RFX7: variants seen among roughly 807,000 people sequenced by gnomAD.
The protein encoded by RFX7 is DNA-binding protein RFX7.
Under a neutral mutation model 111.8 loss-of-function variants are expected in RFX7, and 26 were observed. The ratio of observed to expected loss-of-function variants is 0.23; its 90% CI spans 0.17 to 0.32. The LOEUF (loss-of-function observed/expected upper bound fraction) is 0.32. RFX7 is among the 10% of genes least tolerant of loss of function. The pLI, the probability that RFX7 is intolerant of heterozygous loss-of-function variation, is 1.00. For synonymous variants in RFX7, 624 were observed against 624.4 expected (o/e 1.00, Z 0.01); for missense variants, 1,573 against 1,772.9 (o/e 0.89, Z 2.02).
chr15:56,187,586 C>G (rs1214237376), intron 2 of RFX7, among the ~76,000 whole-genome samples: 1 of 152,058 alleles, frequency 6.6e-6, no homozygotes, highest in Non-Finnish European at 1.5e-5. Flanking sequence ...TTAAAAAGGA[C>G]AAAGTTTGGG....
chr15:56,195,676 A>C (rs1206881082), intron 2 of RFX7, among the ~76,000 whole-genome samples: 1 of 152,172 alleles, frequency 6.6e-6, no homozygotes, highest in African/African-American at 2.4e-5. Flanking sequence ...GGGTTTATCA[A>C]ATGCATTATA....
chr15:56,102,036 G>T, intron 7 of RFX7, 133 bp downstream of exon 7: 1 of 663,952 alleles, frequency 1.5e-6, no homozygotes, highest in Non-Finnish European at 2.5e-6. Context: ...TTCAGCCACT[G>T]TGTGATTTTT....
intron 3 of RFX7, among the ~76,000 whole-genome samples, chr15:56,161,838 G>T (rs79809801): frequency 0.067 from 10,249 of 152,004 alleles, 454 homozygotes; most frequent in Admixed American, 0.11. Flanking sequence ...TAGCCAAAGG[G>T]TACCAAAGCC....
At chr15:56,203,924 A>G (rs1194291028) in intron 2 of RFX7, among the ~76,000 whole-genome samples, 2 of 151,894 alleles carry the variant, frequency 1.3e-5, no homozygotes, top group African/African-American at 4.8e-5. Context: ...ACTTGCTTTC[A>G]CTTTACTCTA....
At chr15:56,125,962 G>A (rs2042139782) in intron 5 of RFX7, among the ~76,000 whole-genome samples, 1 of 152,102 alleles carries the variant, frequency 6.6e-6, no homozygotes, top group Non-Finnish European at 1.5e-5. Flanking sequence ...AATTTGGAAG[G>A]AGTCTGTTTC....
At chr15:56,178,203 ACACACAC>A (rs1308753106) in intron 3 of RFX7, among the ~76,000 whole-genome samples, 4 of 148,784 alleles carry the variant, frequency 2.7e-5, no homozygotes, top group Admixed American at 6.7e-5. Flanking sequence ...ACACACACAC[ACACACAC>A]AACAAAAAGA....
intron 2 of RFX7, among the ~76,000 whole-genome samples, chr15:56,181,377 C>T (rs2042971500): frequency 6.6e-6 from 1 of 152,216 alleles, no homozygotes; most frequent in Non-Finnish European, 1.5e-5. Flanking sequence ...CAGTCACTCG[C>T]TATAGCTCTC....
At chr15:56,166,897 C>T (rs1290772833) in intron 3 of RFX7, among the ~76,000 whole-genome samples, 1 of 152,140 alleles carries the variant, frequency 6.6e-6, no homozygotes, top group African/African-American at 2.4e-5. Flanking sequence ...AGCTACCATG[C>T]CTGGTTACGG....
At chr15:56,098,592 A>C (rs1418510924) in intron 8 of RFX7, among the ~76,000 whole-genome samples, 1 of 152,248 alleles carries the variant, frequency 6.6e-6, no homozygotes, top group Non-Finnish European at 1.5e-5. Context: ...CTCAGGCGAC[A>C]GTTTCAGTTA....
At chr15:56,201,398 TA>T (rs2043191839) in intron 2 of RFX7, among the ~76,000 whole-genome samples, 1 of 152,102 alleles carries the variant, frequency 6.6e-6, no homozygotes, top group African/African-American at 2.4e-5. Flanking sequence ...AAGGCAGTAA[TA>T]GAACCAAAGG....
At chr15:56,104,130 G>A (rs1049666127) in intron 5 of RFX7, among the ~76,000 whole-genome samples, 2 of 152,062 alleles carry the variant, frequency 1.3e-5, no homozygotes, top group Admixed American at 6.5e-5. Flanking sequence ...GGGACCCTAC[G>A]AATACACCAA....
intron 3 of RFX7, among the ~76,000 whole-genome samples, chr15:56,145,487 C>T (rs1326583061): frequency 6.6e-6 from 1 of 152,202 alleles, no homozygotes; most frequent in Non-Finnish European, 1.5e-5. Context: ...TAATCAATCA[C>T]ATGCAAATAG....
intron 5 of RFX7, among the ~76,000 whole-genome samples, chr15:56,120,455 C>T (rs1199365987): frequency 1.4e-4 from 22 of 152,116 alleles, no homozygotes; most frequent in Non-Finnish European, 3.2e-4. Context: ...TAATTTGACC[C>T]TTCATTCCCA....
chr15:56,159,664 G>A (rs545184816), intron 3 of RFX7, among the ~76,000 whole-genome samples: 4 of 152,198 alleles, frequency 2.6e-5, no homozygotes, highest in Admixed American at 2.0e-4. Context: ...TTTCTCTTCT[G>A]TCATAAAGAA....
intron 5 of RFX7, among the ~76,000 whole-genome samples, chr15:56,122,028 T>C (rs943661188): frequency 6.6e-6 from 1 of 152,178 alleles, no homozygotes; most frequent in African/African-American, 2.4e-5. Context: ...GGTGCCTTAT[T>C]TAGTTCGTTT....
At chr15:56,099,847 A>AC (rs1475250907) in intron 8 of RFX7, among the ~76,000 whole-genome samples, 1 of 152,076 alleles carries the variant, frequency 6.6e-6, no homozygotes, top group Non-Finnish European at 1.5e-5. Flanking sequence ...CTTTTGTTAA[A>AC]CTCACACCTT....
chr15:56,194,333 T>C (rs1458784815), intron 2 of RFX7, among the ~76,000 whole-genome samples: 1 of 152,120 alleles, frequency 6.6e-6, no homozygotes, highest in Non-Finnish European at 1.5e-5. Context: ...GAATACCAGA[T>C]ACTAGATTTA....
chr15:56,189,014 T>G (rs1373858173), intron 2 of RFX7, among the ~76,000 whole-genome samples: 1 of 152,136 alleles, frequency 6.6e-6, no homozygotes, highest in Non-Finnish European at 1.5e-5. Flanking sequence ...AGATGGGGTT[T>G]TCCCATGTTG....
chr15:56,194,048 T>G (rs913592673), intron 2 of RFX7, among the ~76,000 whole-genome samples: 7 of 152,098 alleles, frequency 4.6e-5, no homozygotes, highest in African/African-American at 1.7e-4. Flanking sequence ...ATGTAAGCAA[T>G]AGTATCACAG....
Sources: gnomAD v4.1 joint callset for allele counts (sites outside exome capture counted in the v4.1 genomes callset) on GRCh38, gnomAD v4.1.1 for gene constraint, MANE v1.5 for transcripts, NCBI Gene and HGNC (gene_info 2026-07-23, HGNC 2026-07-21) for gene names.